The following OR3A2 variants were observed in gnomAD, a reference collection of about 807,000 sequenced individuals.
The protein encoded by OR3A2 is olfactory receptor family 3 subfamily A member 2.
For synonymous variants in OR3A2, 126 were observed against 159.3 expected (o/e 0.79, Z 1.57); for missense variants, 318 against 392.8 (o/e 0.81, Z 1.61).
intron 2 of OR3A2, among the ~76,000 whole-genome samples, chr17:3,338,279 G>C (rs1212618120): frequency 6.6e-6 from 1 of 152,072 alleles, no homozygotes; most frequent in African/African-American, 2.4e-5. Context: ...AGTTTAATTA[G>C]ATCCCATTTG....
At chr17:3,310,510 G>A (rs368564123) in intron 3 of OR3A2, 2 of 535,594 alleles carry the variant, frequency 3.7e-6, no homozygotes, top group African/African-American at 1.9e-5. Flanking sequence ...TTCTTCCTGG[G>A]GAACTTGTCC....
Position 3,311,418 on chromosome 17 carries a change from G to T in OR3A2, c.-85+24615C>A. On this transcript the variant is annotated intron_variant, in intron 3 of 4. Transcript: ENST00000573491. The surrounding 1 kb of genome is among the most constrained non-coding windows in gnomAD (Gnocchi z 4.6). The stretch of plus-strand genomic sequence containing the variant: ...GCACTCGCATGAGCTGTGAAGTCCA[G>T]GGTGCCCTGGTGGGAATTTGCTGCA... 2.1e-6 allele frequency: 1 copy of T among 483,460 alleles called. No individual in the cohort carries two copies. The highest frequency in any genetic ancestry group is 1.6e-5 in the South Asian group (1 of 63,524). The allele number at this position is 483,460 out of a possible 1,614,324, so 29.9% of individuals were successfully genotyped here. A position where few individuals can be genotyped will look rare whatever the true frequency, so the allele number is the denominator to read the frequency against.
At chr17:3,337,992 T>C (rs2049285844) in intron 2 of OR3A2, among the ~76,000 whole-genome samples, 1 of 152,228 alleles carries the variant, frequency 6.6e-6, no homozygotes, top group Admixed American at 6.5e-5. Flanking sequence ...TGGTATCTCA[T>C]TGTGGTTTTG....
intron 1 of OR3A2, among the ~76,000 whole-genome samples, chr17:3,280,608 A>C (rs2048771369): frequency 6.6e-6 from 1 of 152,180 alleles, no homozygotes; most frequent in South Asian, 2.1e-4. Flanking sequence ...CAGATCAAAA[A>C]ACATCAATGT....
chr17:3,291,563 T>C (rs2048866742), intron 3 of OR3A2: 1 of 1,250,756 alleles, frequency 8.0e-7, no homozygotes, highest in South Asian at 1.5e-5. Context: ...ACCATTTTTT[T>C]CCTAGTTTCT....
upstream of OR3A2, among the ~76,000 whole-genome samples, chr17:3,288,233 A>G (rs2150619817): frequency 7.1e-6 from 1 of 141,574 alleles, no homozygotes; most frequent in African/African-American, 2.6e-5. Context: ...AAGATAAACT[A>G]TCACCAAAAG....
At chr17:3,352,653 C>A (rs773920643) in intron 2 of OR3A2, among the ~76,000 whole-genome samples, 4 of 151,850 alleles carry the variant, frequency 2.6e-5, no homozygotes, top group Non-Finnish European at 4.4e-5. Context: ...TACTATAGCT[C>A]TGTAGTATAA....
Position 3,363,008 on chromosome 17 carries a change from G to A in OR3A2, c.-179+20796C>T, listed in dbSNP as rs575426914. ...ATGTCCCAAGGCTGCACAGAGCAGT[G>A]GGGGCCTGGACCTGGCCCATGACAC... On this transcript the variant is annotated intron_variant, in intron 2 of 4. Coordinates refer to the OR3A2 transcript ENST00000573491. Among the ~76,000 whole-genome samples the A allele has an allele frequency of 3.7e-4, 56 of 151,952 alleles. 2 individuals carry two copies. In the South Asian group the frequency reaches 0.011, roughly 31 times the overall value.
chr17:3,311,635 A>C lies in OR3A2; in HGVS notation c.-85+24398T>G. 1 of 344,894 alleles carries C rather than the reference A, an allele frequency of 2.9e-6. No individual in the cohort carries two copies. The highest frequency in any genetic ancestry group is 5.9e-6 in the Non-Finnish European group (1 of 168,778). The allele number at this position is 344,894 out of a possible 1,614,324, so 21.4% of individuals were successfully genotyped here. ...CATAGGAGTGATCCCCATGATCTTT[A>C]TCTCAGTGTCCTATGCCCACGTCAC... is the stretch of plus-strand genomic sequence containing the variant. On this transcript the variant is annotated intron_variant, in intron 3 of 4. Coordinates refer to the OR3A2 transcript ENST00000573491. This position sits in a 1 kb window ranked among gnomAD's most constrained non-coding sequence, Gnocchi z 4.6.
chr17:3,326,767 T>C (rs1280669920), intron 3 of OR3A2, among the ~76,000 whole-genome samples: 1 of 138,362 alleles, frequency 7.2e-6, no homozygotes, highest in Admixed American at 7.7e-5. Context: ...TGTGATCTCA[T>C]TGTTCAATTC....
Position 3,354,764 on chromosome 17 carries a change from G to A in OR3A2, c.-178-18638C>T, listed in dbSNP as rs149343638. Reference sequence around the variant, plus strand: ...CTTCATTTCAAATTCTCTTATTTCTGCGATGATCTTTATTACCTCCCTTCT... The same window carrying A: ...CTTCATTTCAAATTCTCTTATTTCTACGATGATCTTTATTACCTCCCTTCT... On this transcript the variant is annotated intron_variant, in intron 2 of 4. Coordinates refer to the OR3A2 transcript ENST00000573491. 1.8e-3 allele frequency among the ~76,000 whole-genome samples: 268 copies of A among 150,872 alleles called. 11 individuals carry two copies. Among genetic ancestry groups the A allele is most frequent in the African/African-American group, 6.3e-3 (258 of 40,800 alleles).
At chr17:3,378,434 G>A (rs2049703504) in intron 2 of OR3A2, among the ~76,000 whole-genome samples, 1 of 152,206 alleles carries the variant, frequency 6.6e-6, no homozygotes. Context: ...CCAGAGCAGA[G>A]CAGGCACTTT....
intron 2 of OR3A2, among the ~76,000 whole-genome samples, chr17:3,359,779 C>T (rs1333496429): frequency 3.3e-5 from 5 of 151,650 alleles, no homozygotes; most frequent in African/African-American, 1.2e-4. Flanking sequence ...CATAGTATTC[C>T]ATGGTGTGTA....
upstream of OR3A2, among the ~76,000 whole-genome samples, chr17:3,285,453 T>C (rs1411159903): frequency 1.3e-5 from 2 of 152,178 alleles, no homozygotes; most frequent in African/African-American, 4.8e-5. Context: ...AAGTTGCTAA[T>C]AGAGGTTCAA....
intron 3 of OR3A2, among the ~76,000 whole-genome samples, chr17:3,307,998 T>C (rs1419282883): frequency 1.3e-5 from 2 of 152,242 alleles, no homozygotes; most frequent in Admixed American, 6.5e-5. Flanking sequence ...CTTTGAGATG[T>C]TCATTTTAAC....
intron 2 of OR3A2, among the ~76,000 whole-genome samples, chr17:3,369,164 C>A (rs1030162373): frequency 6.6e-6 from 1 of 152,098 alleles, no homozygotes; most frequent in Non-Finnish European, 1.5e-5. Flanking sequence ...TCTAGTTATA[C>A]AATAAGATCT....
At position 3,355,946 on chromosome 17, in the gene OR3A2, G is replaced by A. The variant is rs1000761072; in HGVS notation, c.-178-19820C>T. Among the ~76,000 whole-genome samples, 15 of 150,738 alleles carry A rather than the reference G, an allele frequency of 1.0e-4. 1 individual carries two copies. Among genetic ancestry groups the A allele is most frequent in the African/African-American group, 2.0e-4 (8 of 40,658 alleles). On this transcript the variant is annotated intron_variant, in intron 2 of 4. Coordinates refer to the OR3A2 transcript ENST00000573491. Reference sequence around the variant, plus strand: ...GTTTTTAGTCAAGATTATTTGCTCTGGTGATATCATTTAATCTCTTGGTTT... The same window carrying A: ...GTTTTTAGTCAAGATTATTTGCTCTAGTGATATCATTTAATCTCTTGGTTT...
intron 2 of OR3A2, among the ~76,000 whole-genome samples, chr17:3,380,066 C>T (rs1481468377): frequency 1.3e-5 from 2 of 152,216 alleles, no homozygotes; most frequent in African/African-American, 4.8e-5. Flanking sequence ...TCCCAGCCTG[C>T]AGGCCACTCC....
At chr17:3,317,958 G>C (rs900135065) in intron 3 of OR3A2, among the ~76,000 whole-genome samples, 11 of 151,372 alleles carry the variant, frequency 7.3e-5, no homozygotes, top group Non-Finnish European at 1.6e-4. Flanking sequence ...CTGGGAGACA[G>C]CATGATTAAT....
Sources: allele counts gnomAD v4.1 joint callset (sites outside exome capture counted in the v4.1 genomes callset), GRCh38; gene constraint gnomAD v4.1.1; non-coding constraint Gnocchi (gnomAD v3.1); transcripts MANE v1.5; gene names NCBI Gene and HGNC (gene_info 2026-07-23, HGNC 2026-07-21).